The following NCALD variants were observed in gnomAD, a reference collection of about 807,000 sequenced individuals.
NCALD encodes the protein neurocalcin delta.
In NCALD, 10 loss-of-function variants were observed where a neutral mutation model predicts 18.6. The observed-to-expected ratio is 0.54, with a 90% confidence interval of 0.33 to 0.91. NCALD has a LOEUF of 0.91. NCALD is among the 40% of genes least tolerant of loss of function. The pLI is 0.03. For missense variants in NCALD, 184 were observed against 247.6 expected (o/e 0.74, Z 1.72); for synonymous variants, 88 against 87.4 (o/e 1.01, Z -0.04).
intron 3 of NCALD, chr8:101,690,785 T>C (rs925005994): frequency 2.0e-6 from 2 of 985,358 alleles, no homozygotes; most frequent in East Asian, 1.1e-4. Context: ...GCCCACATAG[T>C]AGTTACAATG....
intron 2 of NCALD, among the ~76,000 whole-genome samples, chr8:101,962,307 T>C (rs951333477): frequency 6.6e-6 from 1 of 152,238 alleles, no homozygotes; most frequent in African/African-American, 2.4e-5. Flanking sequence ...TCTTGTTACC[T>C]TGATAGTCCA....
At chr8:101,838,738 T>C (rs1313864882) in intron 4 of NCALD, among the ~76,000 whole-genome samples, 1 of 152,234 alleles carries the variant, frequency 6.6e-6, no homozygotes, top group Non-Finnish European at 1.5e-5. Flanking sequence ...TTTTTGATTT[T>C]TGTCAGTGTG....
intron 2 of NCALD, among the ~76,000 whole-genome samples, chr8:101,927,059 A>G (rs1248786813): frequency 6.6e-6 from 1 of 152,098 alleles, no homozygotes; most frequent in Non-Finnish European, 1.5e-5. Context: ...CACTCTGAGT[A>G]TTGCTGGTTT....
At chr8:101,998,483 T>C (rs1398684335) in intron 2 of NCALD, among the ~76,000 whole-genome samples, 2 of 152,046 alleles carry the variant, frequency 1.3e-5, no homozygotes, top group East Asian at 3.9e-4. Context: ...CAGCCAAAGG[T>C]GGGGAGTGGG....
chr8:101,732,078 G>A (rs1816857708), intron 1 of NCALD, among the ~76,000 whole-genome samples: 1 of 152,206 alleles, frequency 6.6e-6, no homozygotes, highest in South Asian at 2.1e-4. Context: ...CAGGGAAGAG[G>A]AGGGTGCTCT....
At chr8:102,055,147 A>T (rs1437813022) in intron 1 of NCALD, among the ~76,000 whole-genome samples, 1 of 152,008 alleles carries the variant, frequency 6.6e-6, no homozygotes, top group Non-Finnish European at 1.5e-5. Context: ...AGTGGACCAA[A>T]ATGATTGCCA....
At chr8:102,101,849 G>A (rs1400186811) in intron 1 of NCALD, among the ~76,000 whole-genome samples, 5 of 152,102 alleles carry the variant, frequency 3.3e-5, no homozygotes, top group African/African-American at 9.7e-5. Flanking sequence ...CTTACAAATG[G>A]GGCTGTGTGG....
chr8:101,874,404 T>A (rs1816143880), intron 4 of NCALD, among the ~76,000 whole-genome samples: 1 of 152,158 alleles, frequency 6.6e-6, no homozygotes, highest in African/African-American at 2.4e-5. Flanking sequence ...GATAATAGGA[T>A]CCACACTGGG....
chr8:101,789,366 T>A (rs1812363503), intron 1 of NCALD, among the ~76,000 whole-genome samples: 1 of 152,170 alleles, frequency 6.6e-6, no homozygotes, highest in African/African-American at 2.4e-5. Context: ...CACATTAGAC[T>A]TTTGGAAAAT....
intron 2 of NCALD, among the ~76,000 whole-genome samples, chr8:101,703,165 T>A (rs753865021): frequency 1.4e-5 from 2 of 142,752 alleles, no homozygotes; most frequent in Non-Finnish European, 3.2e-5. Context: ...TTTTTTTTTT[T>A]CCCCCAAAAC....
At chr8:101,841,443 C>T (rs1266675709) in intron 4 of NCALD, among the ~76,000 whole-genome samples, 1 of 152,214 alleles carries the variant, frequency 6.6e-6, no homozygotes, top group Non-Finnish European at 1.5e-5. Flanking sequence ...TTGTAGGGGA[C>T]TTTCCTGTGT....
At chr8:101,896,108 C>A (rs1054365990) in intron 3 of NCALD, among the ~76,000 whole-genome samples, 2 of 151,328 alleles carry the variant, frequency 1.3e-5, no homozygotes, top group Non-Finnish European at 2.9e-5. Flanking sequence ...TACCTGACTT[C>A]AAACTATACT....
At chr8:101,870,321 C>A (rs558322700) in intron 4 of NCALD, among the ~76,000 whole-genome samples, 1 of 152,056 alleles carries the variant, frequency 6.6e-6, no homozygotes, top group East Asian at 1.9e-4. Flanking sequence ...AATAAGAAAA[C>A]CTTTTCCCAT....
At chr8:101,786,107 CTACA>C (rs1812214754) in intron 1 of NCALD, 1 of 152,204 alleles carries the variant, frequency 6.6e-6, no homozygotes, top group African/African-American at 2.4e-5. Flanking sequence ...GGCAAGTTCT[CTACA>C]TAGTTAGACT....
chr8:101,892,950 T>A (rs1235799823), intron 3 of NCALD, among the ~76,000 whole-genome samples: 1 of 149,266 alleles, frequency 6.7e-6, no homozygotes, highest in Admixed American at 6.6e-5. Context: ...CAGGATATTA[T>A]CCAGGAGAAC....
At chr8:101,901,211 G>A (rs1329867940) in intron 3 of NCALD, among the ~76,000 whole-genome samples, 2 of 150,102 alleles carry the variant, frequency 1.3e-5, no homozygotes, top group Non-Finnish European at 3.0e-5. Context: ...TTTTCATTCT[G>A]TAATTTTTAC....
At chr8:101,909,786 A>G (rs981990507) in intron 3 of NCALD, among the ~76,000 whole-genome samples, 46 of 152,124 alleles carry the variant, frequency 3.0e-4, no homozygotes, top group African/African-American at 1.0e-3. Context: ...ATCTTTCTCC[A>G]TGGGCATGTT....
In NCALD at chr8:101,736,595, C is replaced by G. The variant is rs189185203; in HGVS notation, c.-19-16947G>C. On this transcript the variant is annotated intron_variant, in intron 1 of 3. Transcript: ENST00000220931. The stretch of plus-strand genomic sequence containing the variant: ...CTGGCCATGTCCGACAAAAACACCA[C>G]TTTCCAGGCCCAGCCAATAGGATAC... 1.3e-3 allele frequency among the ~76,000 whole-genome samples: 198 copies of G among 152,278 alleles called. 2 individuals are homozygous for G. The highest frequency in any genetic ancestry group is 4.6e-3 in the African/African-American group (191 of 41,552).
chr8:102,049,676 T>C (rs1325820801), intron 1 of NCALD, among the ~76,000 whole-genome samples: 1 of 152,200 alleles, frequency 6.6e-6, no homozygotes, highest in Non-Finnish European at 1.5e-5. Context: ...TGAGAGTTCA[T>C]GTTGTTCCAC....
Sources: allele counts gnomAD v4.1 joint callset (sites outside exome capture counted in the v4.1 genomes callset), GRCh38; gene constraint gnomAD v4.1.1; transcripts MANE v1.5; gene names NCBI Gene and HGNC (gene_info 2026-07-23, HGNC 2026-07-21).